BCL2: variants seen among roughly 807,000 people sequenced by gnomAD.
BCL2 encodes BCL2 apoptosis regulator, also known as apoptosis regulator Bcl-2.
In BCL2, 1 loss-of-function variant was observed where a neutral mutation model predicts 14.2. The observed-to-expected ratio is 0.07, with a 90% CI of 0.02 to 0.33. BCL2 has a LOEUF of 0.33. BCL2 is among the 10% of genes least tolerant of loss of function. BCL2 has a pLI of 0.99. For missense variants in BCL2, 247 were observed against 305.9 expected (o/e 0.81, Z 1.44); for synonymous variants, 151 against 137.2 (o/e 1.10, Z -0.70).
intron 2 of BCL2, among the ~76,000 whole-genome samples, chr18:63,197,823 C>T (rs1464239540): frequency 1.3e-5 from 2 of 152,136 alleles, no homozygotes; most frequent in Non-Finnish European, 2.9e-5. Flanking sequence ...GAGGGGTGAA[C>T]CTGTCCCCTG....
intron 2 of BCL2, among the ~76,000 whole-genome samples, chr18:63,172,341 A>G (rs1308041542): frequency 1.3e-4 from 20 of 152,178 alleles, no homozygotes; most frequent in Admixed American, 1.3e-3. Context: ...AGCAAGAACA[A>G]CGCAGACACT....
intron 2 of BCL2, among the ~76,000 whole-genome samples, chr18:63,203,862 A>G (rs565903261): frequency 2.6e-5 from 4 of 152,344 alleles, no homozygotes; most frequent in African/African-American, 9.6e-5. Flanking sequence ...TAATGTACAC[A>G]TTACTTTACT....
chr18:63,231,326 CTA>C (rs1320240043), intron 2 of BCL2, among the ~76,000 whole-genome samples: 1 of 151,708 alleles, frequency 6.6e-6, no homozygotes, highest in African/African-American at 2.4e-5. Flanking sequence ...TCTCACCACT[CTA>C]TTCATTATTG....
chr18:63,315,843 G>T (rs1913480180), intron 2 of BCL2: 1 of 152,082 alleles, frequency 6.6e-6, no homozygotes. Context: ...AGTGTCCTAT[G>T]AGTGCATTTC....
At position 63,254,001 on chromosome 18, in the gene BCL2, A is replaced by C. The variant is rs374495281; in HGVS notation, c.585+64081T>G. ...CTTTTACGTTCTTGAAATACATATAAAGTTAGTGTTTATTTTCTACCCACT... is the reference window on the plus strand; with the variant it reads ...CTTTTACGTTCTTGAAATACATATACAGTTAGTGTTTATTTTCTACCCACT... On this transcript the variant is annotated intron_variant, in intron 2 of 2. Coordinates refer to ENST00000333681, the MANE Select transcript of BCL2 (RefSeq NM_000633.3). 2.6e-5 allele frequency among the ~76,000 whole-genome samples: 4 copies of C among 151,898 alleles called. No individual in the cohort carries two copies. The South Asian group carries it at 8.3e-4, about 32-fold the overall frequency.
At chr18:63,224,466 T>C (rs764630991) in intron 2 of BCL2, among the ~76,000 whole-genome samples, 1 of 152,224 alleles carries the variant, frequency 6.6e-6, no homozygotes, top group African/African-American at 2.4e-5. Context: ...AGCTTTCTGA[T>C]AGCAACATTG....
rs564547849 is a variant in BCL2 at position 63,262,494 on chromosome 18, C to T, written c.585+55588G>A. The stretch of plus-strand genomic sequence containing the variant: ...AGGTCTTCTTGGACCTCCGGAGCAG[C>T]CCTTCTGCATTTCCAGGAAGGAGGT... On this transcript the variant is annotated intron_variant, in intron 2 of 2. Transcript: ENST00000333681. 4.6e-5 allele frequency among the ~76,000 whole-genome samples: 7 copies of T among 152,260 alleles called. No individual in the cohort carries two copies. In the East Asian group the frequency reaches 1.2e-3, roughly 25 times the overall value.
intron 2 of BCL2, among the ~76,000 whole-genome samples, chr18:63,155,579 C>T (rs1158630207): frequency 6.6e-6 from 1 of 152,118 alleles, no homozygotes; most frequent in African/African-American, 2.4e-5. Flanking sequence ...TTAGGCTGTT[C>T]TGCTGCTCTC....
Position 63,300,757 on chromosome 18 carries a change from G to T in BCL2, c.585+17325C>A, listed in dbSNP as rs191424195. ...GTGCTACGATCCAGCGAGAACTCCA[G>T]GAGCCGTAGAGATCTTTGTGACTGC... On this transcript the variant is annotated intron_variant, in intron 2 of 2. Transcript: ENST00000333681. 3.9e-5 allele frequency among the ~76,000 whole-genome samples: 6 copies of T among 152,276 alleles called. No individual in the cohort carries two copies. The East Asian group carries it at 1.2e-3, about 29-fold the overall frequency.
intron 2 of BCL2, among the ~76,000 whole-genome samples, chr18:63,157,146 G>A (rs902687307): frequency 3.9e-5 from 6 of 152,226 alleles, no homozygotes; most frequent in African/African-American, 1.2e-4. Flanking sequence ...CTTCTGGGCT[G>A]AGCCTCTTGT....
intron 2 of BCL2, among the ~76,000 whole-genome samples, chr18:63,204,192 T>A (rs1909773962): frequency 6.6e-6 from 1 of 152,222 alleles, no homozygotes; most frequent in African/African-American, 2.4e-5. Context: ...ACCAAAAGAC[T>A]GGAAATAAAC....
intron 2 of BCL2, among the ~76,000 whole-genome samples, chr18:63,265,099 T>C (rs1911786713): frequency 6.6e-6 from 1 of 152,054 alleles, no homozygotes; most frequent in African/African-American, 2.4e-5. Flanking sequence ...ACTCCAGGCC[T>C]CTCTGTCGCC....
chr18:63,146,486 G>A (rs1017208128), intron 2 of BCL2, among the ~76,000 whole-genome samples: 17 of 152,392 alleles, frequency 1.1e-4, no homozygotes, highest in African/African-American at 4.1e-4. Context: ...CCACGCTGGA[G>A]TCAGCCAGAG....
rs558471328 is a variant in BCL2, at chr18:63,155,618, G to C, written c.586-26859C>G. On this transcript the variant is annotated intron_variant, in intron 2 of 2. Transcript: ENST00000333681. ...TTCCCCCTGTTGGCTTGGGAGGGAA[G>C]AGTAGGGCTGTTGGCTGAGACGGAC... Among the ~76,000 whole-genome samples, 8 of 152,324 alleles carry C rather than the reference G, an allele frequency of 5.3e-5. No individual in the cohort carries two copies. The East Asian group carries it at 1.5e-3, about 29-fold the overall frequency.
chr18:63,148,029 CATCAGTCATTTTTGGGTT>C (rs1456136996), intron 2 of BCL2, among the ~76,000 whole-genome samples: 1 of 152,136 alleles, frequency 6.6e-6, no homozygotes, highest in African/African-American at 2.4e-5. Flanking sequence ...AGAGAAAATC[CATCAGTCATTTTTGGGTT>C]ATCAGACTGT....
intron 2 of BCL2, among the ~76,000 whole-genome samples, chr18:63,253,907 G>GT (rs1911389394): frequency 1.5e-5 from 1 of 66,652 alleles, no homozygotes; most frequent in Admixed American, 1.9e-4. Context: ...GCTGAATGTT[G>GT]TCTTTTTTTT....
chr18:63,207,558 G>T (rs925272187), intron 2 of BCL2: 1 of 152,268 alleles, frequency 6.6e-6, no homozygotes, highest in African/African-American at 2.4e-5. Context: ...GTTCCAGACT[G>T]CCTGGGAGCA....
chr18:63,273,901 T>C (rs1019907411), intron 2 of BCL2, among the ~76,000 whole-genome samples: 4 of 152,110 alleles, frequency 2.6e-5, no homozygotes, highest in Non-Finnish European at 5.9e-5. Context: ...AAGAGGGAAA[T>C]AGACAAATGA....
rs553476316 is a variant in BCL2 at position 63,141,874 on chromosome 18, C to T, written c.586-13115G>A. 1.2e-4 allele frequency among the ~76,000 whole-genome samples: 19 copies of T among 152,370 alleles called. No homozygotes were observed. In the South Asian group the frequency reaches 2.5e-3, roughly 20 times the overall value. The stretch of plus-strand genomic sequence containing the variant: ...ATTTGGGCCAAGCGTGCCGTGGCTC[C>T]TGTACCTGCCATGTGACTCGTGAAC... On this transcript the variant is annotated intron_variant, in intron 2 of 2. Coordinates refer to ENST00000333681, the MANE Select transcript of BCL2 (RefSeq NM_000633.3).
Sources: allele counts gnomAD v4.1 joint callset (sites outside exome capture counted in the v4.1 genomes callset), GRCh38; gene constraint gnomAD v4.1.1; transcripts MANE v1.5; gene names NCBI Gene and HGNC (gene_info 2026-07-23, HGNC 2026-07-21).